The following PAX1 variants were observed in gnomAD, a reference collection of about 807,000 sequenced individuals.
PAX1 encodes the protein paired box protein Pax-1.
Under a neutral mutation model 35.6 loss-of-function variants are expected in PAX1, and 18 were observed. The observed-to-expected ratio is 0.50, with a 90% CI of 0.35 to 0.75. PAX1 has a LOEUF of 0.75. PAX1 is among the 30% of genes least tolerant of loss of function. The probability of loss-of-function intolerance (pLI) is 0.01; values close to 1 mark genes in which losing one functional copy is unlikely to be tolerated. For missense variants in PAX1, 760 were observed against 661.5 expected (o/e 1.15, Z -1.63); for synonymous variants, 397 against 305.2 (o/e 1.30, Z -3.14).
Position 21,718,189 on chromosome 20 carries a change from A to C in PAX1, c.*3627A>C, listed in dbSNP as rs1253471065. On this transcript the variant is annotated 3_prime_UTR_variant, in exon 5 of 5. Coordinates refer to ENST00000613128, the MANE Select transcript of PAX1 (RefSeq NM_001257096.2). ...TTCATTATTGGAGGAAGTACTTGCA[A>C]TGGATTGTAATAACTTCCCTGCCAA... 2 of 152,234 alleles carry C rather than the reference A, an allele frequency of 1.3e-5. No individual in the cohort carries two copies. Among genetic ancestry groups the C allele is most frequent in the Non-Finnish European group, 2.9e-5 (2 of 68,042 alleles). The allele number at this position is 152,234 out of a possible 1,614,324, so 9.4% of individuals were successfully genotyped here.
At chr20:21,708,537 T>A (rs777189523) in intron 2 of PAX1, 21 bp from the exon 3 acceptor site, 2 of 1,612,926 alleles carry the variant, frequency 1.2e-6, no homozygotes, top group Non-Finnish European at 1.7e-6. Flanking sequence ...CACCTTTTAA[T>A]CCGTCCTCTC....
In PAX1 at chr20:21,714,863, C is replaced by T; in HGVS notation, c.*301C>T. ...GTGGCCTCCTTCGCTCTGCCAGCTT[C>T]AAATTTCTTTTTTGTCACTCCCTTG... On this transcript the variant is annotated 3_prime_UTR_variant, in exon 5 of 5. Coordinates refer to ENST00000613128, the MANE Select transcript of PAX1 (RefSeq NM_001257096.2). The T allele has an allele frequency of 1.4e-6, 2 of 1,420,994 alleles. No homozygotes were observed. Among genetic ancestry groups the T allele is most frequent in the Non-Finnish European group, 2.0e-6 (2 of 1,020,388 alleles). 88.0% of individuals were successfully genotyped at this position (1,420,994 alleles called of 1,614,324 possible).
chr20:21,711,785 T>C (rs573764565), intron 4 of PAX1, among the ~76,000 whole-genome samples: 237 of 152,336 alleles, frequency 1.6e-3, no homozygotes, highest in African/African-American at 5.4e-3. Flanking sequence ...TTATGGATTT[T>C]TACTCCTTAC....
Position 21,714,456 on chromosome 20 carries a change from T to C in PAX1, c.1283-15T>C. The C allele has an allele frequency of 6.4e-7, 1 of 1,551,372 alleles. No homozygotes were observed. The highest frequency in any genetic ancestry group is 8.7e-7 in the Non-Finnish European group (1 of 1,149,250). On this transcript the variant is annotated splice_polypyrimidine_tract_variant and intron_variant, in intron 4 of 4. Transcript: ENST00000613128. ...GCTAGGTAGTGATCCGACGCCTCTGTGCTTCCTCCCGCAGTGGCTGACAGG... is the reference window on the plus strand; with the variant it reads ...GCTAGGTAGTGATCCGACGCCTCTGCGCTTCCTCCCGCAGTGGCTGACAGG...
chr20:21,707,166 G>C (rs568965371), intron 2 of PAX1, 99 bp downstream of exon 2: 12 of 1,482,932 alleles, frequency 8.1e-6, no homozygotes, highest in Admixed American at 3.7e-5. Flanking sequence ...TCCCGGGACC[G>C]GTTCTGGCTC....
At chr20:21,709,930 C>T (rs1273372446) in intron 4 of PAX1, among the ~76,000 whole-genome samples, 5 of 152,024 alleles carry the variant, frequency 3.3e-5, no homozygotes, top group East Asian at 1.9e-4. Context: ...CCGTCTCTGC[C>T]CCACTGCCCA....
intron 4 of PAX1, among the ~76,000 whole-genome samples, chr20:21,711,229 C>T (rs996639793): frequency 2.6e-5 from 4 of 152,254 alleles, no homozygotes; most frequent in African/African-American, 7.2e-5. Flanking sequence ...AAAAGACCCA[C>T]AGTCTTCAGA....
chr20:21,714,197 G>A (rs1985288988), intron 4 of PAX1, among the ~76,000 whole-genome samples: 1 of 152,222 alleles, frequency 6.6e-6, no homozygotes, highest in South Asian at 2.1e-4. Flanking sequence ...AACGGGAATT[G>A]CACCTGGCCA....
At chr20:21,710,499 T>G (rs1465391965) in intron 4 of PAX1, among the ~76,000 whole-genome samples, 2 of 151,972 alleles carry the variant, frequency 1.3e-5, no homozygotes, top group Non-Finnish European at 2.9e-5. Context: ...CAGCGTGGAG[T>G]TCCCAGATTA....
chr20:21,711,481 G>T (rs995362873), intron 4 of PAX1, among the ~76,000 whole-genome samples: 4 of 152,128 alleles, frequency 2.6e-5, no homozygotes, highest in Admixed American at 1.3e-4. Flanking sequence ...TCATTGAATG[G>T]TGCTGGCATA....
Position 21,714,507 on chromosome 20 carries a change from C to T in PAX1, c.1319C>T (p.Ala440Val), listed in dbSNP as rs780383209. 6.3e-7 allele frequency: 1 copy of T among 1,593,212 alleles called. No individual in the cohort carries two copies. Among genetic ancestry groups the T allele is most frequent in the Non-Finnish European group, 8.5e-7 (1 of 1,171,598 alleles). The change falls in exon 5 of 5, where the codon GCC (alanine) becomes GTC (valine). Residue 440 changes from alanine to valine, a missense_variant. By Grantham distance (64) the Ala-to-Val change is moderately conservative. Coordinates refer to ENST00000613128, the MANE Select transcript of PAX1 (RefSeq NM_001257096.2). ...DRKPPSSGSK[A>V]PDALSSLHGL... ...AAGCCTCCCAGCTCCGGCAGCAAGG[C>T]CCCGGACGCCCTCAGTAGCTTACAC...
In PAX1 at chr20:21,706,763, C is replaced by G. The variant is rs779633330; in HGVS notation, c.612C>G (p.Gly204=). The G allele has an allele frequency of 1.2e-6, 2 of 1,613,296 alleles. No homozygotes were observed. Among genetic ancestry groups the G allele is most frequent in the Non-Finnish European group, 1.7e-6 (2 of 1,180,046 alleles). The change falls in exon 2 of 5, where the codon GGC becomes GGG. Residue 204 remains glycine, a synonymous_variant. Transcript: ENST00000613128. This position sits in a 1 kb window ranked among gnomAD's most constrained non-coding sequence, Gnocchi z 5.3. ...WEIRDRLLAD[G]VCDKYNVPSV... ...TCCGCGACCGGCTGCTGGCCGACGG[C>G]GTCTGTGACAAGTACAATGTGCCTT... is the stretch of plus-strand genomic sequence containing the variant.
rs1985097665 is a variant in PAX1 at position 21,708,669 on chromosome 20, C to T, written c.1028C>T (p.Pro343Leu). ...ATPAVNGLEK[P>L]ALEADIKYTQ... ...CCCGCAGTGAATGGGCTAGAGAAACCTGCCTTAGAGGCAGACATTAAATAC... is the reference window on the plus strand; with the variant it reads ...CCCGCAGTGAATGGGCTAGAGAAACTTGCCTTAGAGGCAGACATTAAATAC... Residue 343 changes from proline to leucine, a missense_variant, in exon 3 of 5, where the codon CCT (proline) becomes CTT (leucine). By Grantham distance (98) the Pro-to-Leu change is moderately conservative. Coordinates refer to ENST00000613128, the MANE Select transcript of PAX1 (RefSeq NM_001257096.2). The T allele has an allele frequency of 6.2e-7, 1 of 1,613,638 alleles. No individual in the cohort carries two copies. Among genetic ancestry groups the T allele is most frequent in the Non-Finnish European group, 8.5e-7 (1 of 1,180,026 alleles).
intron 4 of PAX1, 81 bp from the exon 5 acceptor site, chr20:21,714,390 T>G (rs1985294182): frequency 9.6e-7 from 1 of 1,038,390 alleles, no homozygotes; most frequent in Admixed American, 2.5e-5. Context: ...GACCTCGCTC[T>G]GCAGGCGTCC....
rs1452550060 is a variant in PAX1, at chr20:21,708,549, C to G, written c.917-9C>G. Reference sequence around the variant, plus strand: ...AGGCACCTTTTAATCCGTCCTCTCTCTCCTGCAGGGGCCCTGGCTGGGAGC... The same window carrying G: ...AGGCACCTTTTAATCCGTCCTCTCTGTCCTGCAGGGGCCCTGGCTGGGAGC... On this transcript the variant is annotated splice_polypyrimidine_tract_variant and intron_variant, in intron 2 of 4. Coordinates refer to ENST00000613128, the MANE Select transcript of PAX1 (RefSeq NM_001257096.2). The G allele has an allele frequency of 2.5e-6, 4 of 1,613,332 alleles. No individual in the cohort carries two copies. The African/African-American group carries it at 5.3e-5, about 22-fold the overall frequency.
In PAX1 at chr20:21,706,411, G is replaced by A. The variant is rs753710461; in HGVS notation, c.287-27G>A. 1.5e-5 allele frequency: 24 copies of A among 1,609,862 alleles called. No individual in the cohort carries two copies. In the Middle Eastern group the frequency reaches 6.6e-4, roughly 44 times the overall value. On this transcript the variant is annotated intron_variant, in intron 1 of 4. Transcript: ENST00000613128. This position sits in a 1 kb window ranked among gnomAD's most constrained non-coding sequence, Gnocchi z 5.3. ...CCGCCGGGTGTTTTCTCCCCCTCCG[G>A]CTCACTCTTGTCTGGCGCATCCGCA... is the stretch of plus-strand genomic sequence containing the variant.
At position 21,709,408 on chromosome 20, in the gene PAX1, G is replaced by A. The variant is rs1387805356; in HGVS notation, c.1246G>A (p.Ala416Thr). The A allele has an allele frequency of 1.3e-6, 2 of 1,545,120 alleles. No homozygotes were observed. Among genetic ancestry groups the A allele is most frequent in the Non-Finnish European group, 1.7e-6 (2 of 1,150,312 alleles). ...CGTAGCTGTGCATGGCGGGGAACTC[G>A]CGGCAGCAATGACCTTCAAGCATCC... ...AGVAVHGGEL[A>T]AAMTFKHPSR... Residue 416 changes from alanine to threonine, a missense_variant, in exon 4 of 5, where the codon GCG (alanine) becomes ACG (threonine). Physicochemically the swap from Ala to Thr is moderately conservative, Grantham distance 58 (BLOSUM62 0). This residue lies in a region of PAX1 where 490 missense variants were observed against 428.4 expected (regional missense o/e 1.14). Transcript: ENST00000613128.
intron 4 of PAX1, 22 bp downstream of exon 4, chr20:21,709,466 G>T (rs2122140384): frequency 6.7e-7 from 1 of 1,487,716 alleles, no homozygotes; most frequent in Non-Finnish European, 8.9e-7. Context: ...AGGGAGTGGG[G>T]CGGGTGGATG....
chr20:21,706,392 GGT>G lies in PAX1; in HGVS notation c.287-43_287-42del, dbSNP rs772728313. 1 of 1,607,458 alleles carries G rather than the reference GGT, an allele frequency of 6.2e-7. No homozygotes were observed. ...GTGGGGACCCTTGGCTAACCCGCCGGGTGTTTTCTCCCCCTCCGGCTCACTCT... is the reference window on the plus strand; with the variant it reads ...GTGGGGACCCTTGGCTAACCCGCCGGGTTTTCTCCCCCTCCGGCTCACTCT... On this transcript the variant is annotated intron_variant, in intron 1 of 4. Transcript: ENST00000613128. This position sits in a 1 kb window ranked among gnomAD's most constrained non-coding sequence, Gnocchi z 5.3.
Sources: allele counts gnomAD v4.1 joint callset (sites outside exome capture counted in the v4.1 genomes callset), GRCh38; gene constraint gnomAD v4.1.1; regional missense constraint gnomAD v4.1.1; non-coding constraint Gnocchi (gnomAD v3.1); transcripts MANE v1.5; gene names NCBI Gene and HGNC (gene_info 2026-07-23, HGNC 2026-07-21).